The following INTS4 variants were observed in gnomAD, a reference collection of about 807,000 sequenced individuals.
The protein encoded by INTS4 is MSTP093.
A neutral mutation model predicts 119.5 loss-of-function variants in INTS4; 70 were observed. That is an observed-to-expected ratio of 0.59 (90% CI 0.48 to 0.71). INTS4 has a LOEUF of 0.71. Among genes scored for constraint, INTS4 ranks in the 30% least tolerant of loss-of-function variants. INTS4 has a pLI of 0.00. For synonymous variants in INTS4, 316 were observed against 419.6 expected (o/e 0.75, Z 3.02); for missense variants, 867 against 1,173.2 (o/e 0.74, Z 3.81).
intron 21 of INTS4, among the ~76,000 whole-genome samples, chr11:77,887,583 A>G (rs1952070285): frequency 6.6e-6 from 1 of 152,180 alleles, no homozygotes; most frequent in African/African-American, 2.4e-5. Context: ...GCAATTAGGT[A>G]GGAGAAGGAA....
intron 4 of INTS4, among the ~76,000 whole-genome samples, chr11:77,977,175 T>C (rs1282669053): frequency 6.6e-6 from 1 of 152,146 alleles, no homozygotes; most frequent in Non-Finnish European, 1.5e-5. Flanking sequence ...TGATAGTCTG[T>C]GTTTCAGAAA....
chr11:77,974,148 T>C (rs542572375), intron 4 of INTS4, among the ~76,000 whole-genome samples: 2 of 152,216 alleles, frequency 1.3e-5, no homozygotes, highest in Admixed American at 1.3e-4. Flanking sequence ...GATTGTCTAT[T>C]TCTTTAGTCA....
chr11:77,961,189 G>A, intron 4 of INTS4, 51 bp from the exon 5 acceptor site: 1 of 1,482,834 alleles, frequency 6.7e-7, no homozygotes, highest in Non-Finnish European at 8.9e-7. Context: ...AAAAGGACAT[G>A]ATTAAGATAT....
chr11:77,935,774 T>C (rs182652591), intron 10 of INTS4, among the ~76,000 whole-genome samples: 13 of 151,674 alleles, frequency 8.6e-5, no homozygotes, highest in Middle Eastern at 6.8e-3. Flanking sequence ...TGTCCACCTG[T>C]GGTCCTAATT....
intron 2 of INTS4, chr11:77,987,830 G>T (rs955573077): frequency 4.1e-5 from 13 of 317,898 alleles, no homozygotes; most frequent in Admixed American, 2.5e-4. Context: ...CAGTGATCAC[G>T]CCATTGCACT....
chr11:77,958,358 T>G (rs569209753), intron 7 of INTS4, among the ~76,000 whole-genome samples: 1 of 152,276 alleles, frequency 6.6e-6, no homozygotes, highest in African/African-American at 2.4e-5. Flanking sequence ...GAAAACTACA[T>G]AAGAGATCAT....
intron 21 of INTS4, among the ~76,000 whole-genome samples, chr11:77,890,235 T>G (rs2136388416): frequency 6.6e-6 from 1 of 152,352 alleles, no homozygotes; most frequent in East Asian, 1.9e-4. Flanking sequence ...CTCATAATTT[T>G]TAATAATTCC....
rs1259922873 is a variant in INTS4, at chr11:77,958,807, C to T, written c.736G>A (p.Glu246Lys). ...QACKLLSDDYEQVRSAAVQLI... is the reference protein window; with the variant it reads ...QACKLLSDDYKQVRSAAVQLI... ...TGGACTGCAGCACTGCGCACTTGTT[C>T]ATAGTCATCAGAGAGTAATTTACAG... The change falls in exon 7 of 23, where the codon GAA becomes AAA. Residue 246 changes from glutamate to lysine, a missense_variant. Glu to Lys is a moderately conservative substitution (Grantham distance 56). Transcript: ENST00000534064. 30 of 1,609,664 alleles carry T rather than the reference C, an allele frequency of 1.9e-5. No individual in the cohort carries two copies. Among genetic ancestry groups the T allele is most frequent in the Non-Finnish European group, 2.5e-5 (30 of 1,178,094 alleles).
chr11:77,915,894 G>A (rs572076321), intron 15 of INTS4, among the ~76,000 whole-genome samples: 2 of 152,322 alleles, frequency 1.3e-5, no homozygotes, highest in South Asian at 4.1e-4. Flanking sequence ...ATGTTAAGTG[G>A]GAAGAAAGGC....
intron 18 of INTS4, among the ~76,000 whole-genome samples, chr11:77,895,590 A>C (rs1317401098): frequency 1.3e-5 from 2 of 149,530 alleles, no homozygotes; most frequent in Admixed American, 6.8e-5. Context: ...CTAATCTTCT[A>C]CCAGAAATGG....
At chr11:77,974,474 C>A (rs946381363) in intron 4 of INTS4, among the ~76,000 whole-genome samples, 2 of 151,902 alleles carry the variant, frequency 1.3e-5, no homozygotes, top group Admixed American at 6.6e-5. Context: ...AACTCCTGAC[C>A]TCGTGATCTG....
At chr11:77,919,078 A>C (rs1953275487) in intron 14 of INTS4, 100 bp from the exon 15 acceptor site, 2 of 1,241,850 alleles carry the variant, frequency 1.6e-6, no homozygotes, top group African/African-American at 1.5e-5. Flanking sequence ...TGAGCTAAAC[A>C]AAACAAAGGG....
At chr11:77,941,157 A>T in intron 9 of INTS4, 23 bp downstream of exon 9, 1 of 1,608,844 alleles carries the variant, frequency 6.2e-7, no homozygotes, top group Middle Eastern at 1.8e-4. Flanking sequence ...AACCCACTTT[A>T]AACAACAAAG....
At chr11:77,883,425 T>A (rs1951870193) in intron 22 of INTS4, among the ~76,000 whole-genome samples, 1 of 152,176 alleles carries the variant, frequency 6.6e-6, no homozygotes, top group African/African-American at 2.4e-5. Context: ...TCCTCACAAC[T>A]AATTTGTAGG....
At position 77,961,117 on chromosome 11, in the gene INTS4, C is replaced by T. The variant is rs1041751560; in HGVS notation, c.493G>A (p.Gly165Ser). ...ACKHLTDTSH[G>S]VRNKCLQLLG... is the part of the protein sequence containing the mutation. ...AACTGCAGGCACTTATTTCTTACAC[C>T]ATGAGACGTATCTGTCAGATGCTAT... Residue 165 changes from glycine (G) to serine (S), a missense_variant, in exon 5 of 23, where the codon GGT becomes AGT. Physicochemically the swap from Gly to Ser is moderately conservative, Grantham distance 56 (BLOSUM62 0). Around this residue, in one of 5 missense-constraint regions of INTS4, gnomAD observed 224 missense variants for 231.8 expected, o/e 0.97. Coordinates refer to ENST00000534064, the MANE Select transcript of INTS4 (RefSeq NM_033547.4). The T allele has an allele frequency of 3.2e-6, 5 of 1,573,352 alleles. No individual in the cohort carries two copies. The highest frequency in any genetic ancestry group is 4.3e-6 in the Non-Finnish European group (5 of 1,161,444).
At chr11:77,927,986 C>A (rs532298342) in intron 11 of INTS4, among the ~76,000 whole-genome samples, 1 of 152,272 alleles carries the variant, frequency 6.6e-6, no homozygotes, top group South Asian at 2.1e-4. Flanking sequence ...GCCTGAGTGA[C>A]AGAGTGAGAC....
intron 8 of INTS4, among the ~76,000 whole-genome samples, chr11:77,955,510 T>C (rs1482314015): frequency 6.6e-6 from 1 of 151,706 alleles, no homozygotes; most frequent in African/African-American, 2.4e-5. Context: ...TTTTTTTTTT[T>C]TTGAGATGAG....
At chr11:77,877,255 G>C (rs866188568), downstream of INTS4, among the ~76,000 whole-genome samples, 3 of 151,678 alleles carry the variant, frequency 2.0e-5, no homozygotes, top group African/African-American at 7.3e-5. Flanking sequence ...TACCTAGAGA[G>C]TTAATTAATT....
At chr11:77,959,407 T>C (rs1400575431) in intron 6 of INTS4, among the ~76,000 whole-genome samples, 1 of 152,124 alleles carries the variant, frequency 6.6e-6, no homozygotes, top group Non-Finnish European at 1.5e-5. Flanking sequence ...CCTGAACTCA[T>C]TAAGGAAGCA....
Sources: allele counts gnomAD v4.1 joint callset (sites outside exome capture counted in the v4.1 genomes callset), GRCh38; gene constraint gnomAD v4.1.1; regional missense constraint gnomAD v4.1.1; transcripts MANE v1.5; gene names NCBI Gene and HGNC (gene_info 2026-07-23, HGNC 2026-07-21).